SYT16: variants seen among roughly 807,000 people sequenced by gnomAD.
The protein encoded by SYT16 is synaptotagmin 16, also known as synaptotagmin-16.
Under a neutral mutation model 61.4 loss-of-function variants are expected in SYT16, and 42 were observed. The observed-to-expected ratio is 0.68, with a 90% CI of 0.53 to 0.89. The LOEUF is 0.89. SYT16 is among the 40% of genes least tolerant of loss of function. The pLI is 0.00. For missense variants in SYT16, 804 were observed against 807.3 expected, an observed-to-expected ratio of 1.00 and a Z score of 0.05; for synonymous variants, 314 against 302.3, an observed-to-expected ratio of 1.04 and a Z score of -0.40.
chr14:61,925,652 T>G (rs1405816168), intron 1 of SYT16, among the ~76,000 whole-genome samples: 1 of 152,236 alleles, frequency 6.6e-6, no homozygotes, highest in East Asian at 1.9e-4. Context: ...GAAAATTTCC[T>G]GGTTAGGCTT....
intron 3 of SYT16, among the ~76,000 whole-genome samples, chr14:62,041,940 T>A (rs2054748317): frequency 6.6e-6 from 1 of 152,222 alleles, no homozygotes; most frequent in Non-Finnish European, 1.5e-5. Context: ...CCAGTCAGTA[T>A]ATTTTACTGT....
Position 62,061,752 on chromosome 14 carries a change from C to T in SYT16, c.524-7851C>T, listed in dbSNP as rs6573417. ...GGGCTTCAAAATACATGGAGGAAGA[C>T]GTAACAAACTAAAAGGGGAAATAAA... On this transcript the variant is annotated intron_variant, in intron 3 of 7. Coordinates refer to ENST00000683842, the MANE Select transcript of SYT16 (RefSeq NM_001367656.1). Among the ~76,000 whole-genome samples, 10 of 151,884 alleles carry T rather than the reference C, an allele frequency of 6.6e-5. No individual in the cohort carries two copies. In the East Asian group the frequency reaches 1.9e-3, roughly 29 times the overall value.
intron 3 of SYT16, among the ~76,000 whole-genome samples, chr14:62,017,143 G>T (rs906637918): frequency 6.5e-4 from 99 of 152,278 alleles, no homozygotes; most frequent in African/African-American, 2.3e-3. Context: ...GAAAATTTGT[G>T]AAAACTGATA....
intron 3 of SYT16, among the ~76,000 whole-genome samples, chr14:62,036,626 A>T (rs1418327206): frequency 6.6e-6 from 1 of 152,156 alleles, no homozygotes; most frequent in Non-Finnish European, 1.5e-5. Flanking sequence ...TCATGGCAGA[A>T]GGCAAAGGAG....
chr14:61,912,402 T>C (rs217630), intron 1 of SYT16, among the ~76,000 whole-genome samples: 2,945 of 152,330 alleles, frequency 0.019, 82 homozygotes, highest in African/African-American at 0.068. Context: ...AGTCATTTGT[T>C]GGGTATGATT....
chr14:61,855,563 A>G (rs1056244260), intron 1 of SYT16, among the ~76,000 whole-genome samples: 3 of 152,202 alleles, frequency 2.0e-5, no homozygotes, highest in Non-Finnish European at 4.4e-5. Context: ...GAGAAACAGG[A>G]TGGTTTTGTG....
At chr14:62,027,380 G>C (rs79465069) in intron 3 of SYT16, among the ~76,000 whole-genome samples, 4,678 of 152,262 alleles carry the variant, frequency 0.031, 93 homozygotes, top group South Asian at 0.091. Context: ...AAGAGAGATG[G>C]AGAGGAACCT....
intron 5 of SYT16, among the ~76,000 whole-genome samples, chr14:62,076,443 T>TAA (rs11336905): frequency 4.2e-5 from 6 of 143,982 alleles, no homozygotes; most frequent in Non-Finnish European, 4.6e-5. Context: ...ATGCTCAAGG[T>TAA]AAAAAAAAAA....
chr14:62,110,478 G>T lies in SYT16; in HGVS notation c.*9771G>T, dbSNP rs1265170794. On this transcript the variant is annotated 3_prime_UTR_variant, in exon 8 of 8. Transcript: ENST00000683842. Reference sequence around the variant, plus strand: ...CAATGTTTTTGAAGACTACAGGATAGTTTGTGATTTTTATATTAAGGTCGT... The same window carrying T: ...CAATGTTTTTGAAGACTACAGGATATTTTGTGATTTTTATATTAAGGTCGT... The T allele has an allele frequency of 6.6e-6, 1 of 152,028 alleles. No individual in the cohort carries two copies. The highest frequency in any genetic ancestry group is 2.4e-5 in the African/African-American group (1 of 41,412). 9.4% of individuals were successfully genotyped at this position (152,028 alleles called of 1,614,324 possible).
intron 1 of SYT16, among the ~76,000 whole-genome samples, chr14:61,908,107 T>G (rs1250933667): frequency 6.6e-6 from 1 of 152,248 alleles, no homozygotes; most frequent in Non-Finnish European, 1.5e-5. Context: ...AGACCAGCCT[T>G]TGGCCTTTAA....
intron 1 of SYT16, among the ~76,000 whole-genome samples, chr14:61,844,495 C>T (rs1480160444): frequency 2.6e-5 from 4 of 152,136 alleles, no homozygotes; most frequent in African/African-American, 9.7e-5. Context: ...AGTTTTTCCT[C>T]ATTTAGTAGG....
At chr14:61,818,638 A>G (rs1306321344) in intron 1 of SYT16, among the ~76,000 whole-genome samples, 2 of 147,738 alleles carry the variant, frequency 1.4e-5, no homozygotes, top group Non-Finnish European at 1.5e-5. Flanking sequence ...AGATTGCTTC[A>G]CCGCACTCCA....
At position 62,105,382 on chromosome 14, in the gene SYT16, T is replaced by A. The variant is rs2057495915; in HGVS notation, c.*4675T>A. ...TAAAATAAATGATGTGATACTATAC[T>A]GAGACTGTTTTAAAAATGGATAACA... is the stretch of plus-strand genomic sequence containing the variant. On this transcript the variant is annotated 3_prime_UTR_variant, in exon 8 of 8. Coordinates refer to ENST00000683842, the MANE Select transcript of SYT16 (RefSeq NM_001367656.1). 1 of 152,242 alleles carries A rather than the reference T, an allele frequency of 6.6e-6. No homozygotes were observed. The highest frequency in any genetic ancestry group is 1.5e-5 in the Non-Finnish European group (1 of 68,038). The allele number at this position is 152,242 out of a possible 1,614,324, so 9.4% of individuals were successfully genotyped here. A position where few individuals can be genotyped will look rare whatever the true frequency, so the allele number is the denominator to read the frequency against.
At chr14:61,899,868 C>A (rs1362007897) in intron 1 of SYT16, among the ~76,000 whole-genome samples, 1 of 152,126 alleles carries the variant, frequency 6.6e-6, no homozygotes. Context: ...CAGGGAGGAA[C>A]TGTGTTCAGA....
At chr14:61,890,252 C>A (rs1209405688) in intron 1 of SYT16, among the ~76,000 whole-genome samples, 1 of 152,132 alleles carries the variant, frequency 6.6e-6, no homozygotes, top group Non-Finnish European at 1.5e-5. Context: ...GGAGGACTGC[C>A]ACCCTGGACA....
At chr14:61,900,276 A>AGAG (rs949196106) in intron 1 of SYT16, among the ~76,000 whole-genome samples, 6 of 150,864 alleles carry the variant, frequency 4.0e-5, no homozygotes, top group African/African-American at 1.5e-4. Context: ...CTCCTGCCTC[A>AGAG]GCCTCCCGAG....
intron 1 of SYT16, among the ~76,000 whole-genome samples, chr14:61,883,749 A>G (rs2047787561): frequency 6.6e-6 from 1 of 152,214 alleles, no homozygotes; most frequent in Non-Finnish European, 1.5e-5. Flanking sequence ...CTGTGAAGAA[A>G]TACCTGGGTC....
At chr14:62,093,749 T>C (rs1197069877) in intron 7 of SYT16, among the ~76,000 whole-genome samples, 1 of 152,166 alleles carries the variant, frequency 6.6e-6, no homozygotes, top group Non-Finnish European at 1.5e-5. Context: ...TCTCAATAGA[T>C]GCAAAAAGTT....
intron 3 of SYT16, among the ~76,000 whole-genome samples, chr14:62,034,828 A>T (rs1303449982): frequency 6.6e-6 from 1 of 152,204 alleles, no homozygotes; most frequent in African/African-American, 2.4e-5. Flanking sequence ...ATTGTACTGT[A>T]TACTTAAAAT....
Sources: allele counts gnomAD v4.1 joint callset (sites outside exome capture counted in the v4.1 genomes callset), GRCh38; gene constraint gnomAD v4.1.1; transcripts MANE v1.5; gene names NCBI Gene and HGNC (gene_info 2026-07-23, HGNC 2026-07-21).